The following QTMAN variants were observed in gnomAD, a reference collection of about 807,000 sequenced individuals.
The protein encoded by QTMAN is queuosine-tRNA mannosyltransferase.
chr2:144,040,548 G>A, the QTMAN span, among the ~76,000 whole-genome samples: 8 of 151,946 alleles, frequency 5.3e-5, no homozygotes, highest in African/African-American at 7.3e-5. Flanking sequence ...AGCTATATAC[G>A]TCGCTAAGAC....
the QTMAN span, among the ~76,000 whole-genome samples, chr2:144,030,076 G>T: frequency 6.6e-6 from 1 of 152,250 alleles, no homozygotes; most frequent in African/African-American, 2.4e-5. Flanking sequence ...AGGTACTATG[G>T]TAAGCAAAGG....
the QTMAN span, among the ~76,000 whole-genome samples, chr2:144,014,588 C>T: frequency 6.6e-6 from 1 of 152,136 alleles, no homozygotes; most frequent in Non-Finnish European, 1.5e-5. Flanking sequence ...AAGAAAATTT[C>T]TAGTTATCAG....
At chr2:144,134,227 T>C in the QTMAN span, among the ~76,000 whole-genome samples, 1 of 152,288 alleles carries the variant, frequency 6.6e-6, no homozygotes, top group African/African-American at 2.4e-5. Flanking sequence ...AAAAAGCCCT[T>C]AGGCGCCTCG....
At chr2:144,200,308 T>C in the QTMAN span, among the ~76,000 whole-genome samples, 1 of 152,250 alleles carries the variant, frequency 6.6e-6, no homozygotes, top group Non-Finnish European at 1.5e-5. Context: ...TTTATTCTGA[T>C]AGTGTCTCTT....
the QTMAN span, among the ~76,000 whole-genome samples, chr2:144,068,083 G>A: frequency 1.3e-5 from 2 of 152,196 alleles, no homozygotes; most frequent in Admixed American, 1.3e-4. Context: ...TTTTTAAAGG[G>A]TATATCATTA....
the QTMAN span, among the ~76,000 whole-genome samples, chr2:144,132,738 T>C: frequency 6.6e-6 from 1 of 151,926 alleles, no homozygotes; most frequent in East Asian, 1.9e-4. Flanking sequence ...CCCCTTTGCT[T>C]TTCAGGTTGG....
chr2:144,259,414 C>T, the QTMAN span, among the ~76,000 whole-genome samples: 2 of 152,168 alleles, frequency 1.3e-5, no homozygotes, highest in East Asian at 3.9e-4. Flanking sequence ...CCACCTCAGC[C>T]TCTCAAAGTG....
At chr2:144,000,675 T>A in the QTMAN span, among the ~76,000 whole-genome samples, 1 of 151,994 alleles carries the variant, frequency 6.6e-6, no homozygotes, top group Non-Finnish European at 1.5e-5. Flanking sequence ...ATGGAAAGCA[T>A]CTATGGAATC....
At chr2:144,047,548 C>G in the QTMAN span, among the ~76,000 whole-genome samples, 1 of 152,148 alleles carries the variant, frequency 6.6e-6, no homozygotes, top group African/African-American at 2.4e-5. Context: ...CTAAATGAAG[C>G]TCTCTCTACC....
At chr2:144,054,743 C>T in the QTMAN span, among the ~76,000 whole-genome samples, 14 of 152,126 alleles carry the variant, frequency 9.2e-5, no homozygotes, top group Middle Eastern at 3.2e-3. Flanking sequence ...CTGGGATCAG[C>T]ACTCCTAATC....
At chr2:144,275,488 T>C in the QTMAN span, among the ~76,000 whole-genome samples, 42 of 152,180 alleles carry the variant, frequency 2.8e-4, no homozygotes, top group Admixed American at 2.6e-3. Flanking sequence ...ATCTGACCTA[T>C]GCCATCAGAC....
chr2:144,070,386 G>A, the QTMAN span, among the ~76,000 whole-genome samples: 1 of 152,000 alleles, frequency 6.6e-6, no homozygotes, highest in Non-Finnish European at 1.5e-5. Context: ...ATTCAATTAT[G>A]AAACAGTCTT....
the QTMAN span, among the ~76,000 whole-genome samples, chr2:143,976,793 T>A: frequency 6.6e-6 from 1 of 152,248 alleles, no homozygotes; most frequent in African/African-American, 2.4e-5. Context: ...CTCCTCACCA[T>A]CATTTACTTA....
the QTMAN span, among the ~76,000 whole-genome samples, chr2:143,992,017 C>G: frequency 1.3e-5 from 2 of 152,222 alleles, no homozygotes; most frequent in Non-Finnish European, 2.9e-5. Flanking sequence ...CCAGCCACCA[C>G]CCCGTCTGGA....
At chr2:144,123,061 A>G in the QTMAN span, among the ~76,000 whole-genome samples, 3 of 150,364 alleles carry the variant, frequency 2.0e-5, no homozygotes, top group African/African-American at 7.6e-5. Context: ...CTTTTTACAC[A>G]CCATATAATT....
the QTMAN span, among the ~76,000 whole-genome samples, chr2:144,216,673 T>C: frequency 6.6e-6 from 1 of 152,224 alleles, no homozygotes; most frequent in Non-Finnish European, 1.5e-5. Flanking sequence ...TTTTTCCATA[T>C]AGATATGTGT....
the QTMAN span, among the ~76,000 whole-genome samples, chr2:144,061,520 A>G: frequency 2.0e-5 from 3 of 152,206 alleles, no homozygotes; most frequent in Non-Finnish European, 2.9e-5. Context: ...ATGGCTGATG[A>G]AGATAATAAT....
chr2:144,136,290 C>T, the QTMAN span, among the ~76,000 whole-genome samples: 1 of 150,314 alleles, frequency 6.7e-6, no homozygotes, highest in Non-Finnish European at 1.5e-5. Flanking sequence ...CACATCATTG[C>T]ACTCCAGCCT....
the QTMAN span, among the ~76,000 whole-genome samples, chr2:144,011,461 A>C: frequency 6.6e-6 from 1 of 152,046 alleles, no homozygotes; most frequent in African/African-American, 2.4e-5. Context: ...AGCTTTTCTA[A>C]ATGTAGCTCT....
Sources: allele counts gnomAD v4.1 joint callset (sites outside exome capture counted in the v4.1 genomes callset), GRCh38; gene constraint gnomAD v4.1.1; transcripts MANE v1.5; gene names NCBI Gene and HGNC (gene_info 2026-07-23, HGNC 2026-07-21).